The following GPC6 variants were observed in gnomAD, a reference collection of about 807,000 sequenced individuals.
GPC6 encodes the protein glypican 6, also known as glypican-6.
A neutral mutation model predicts 55.2 loss-of-function variants in GPC6; 14 were observed. The ratio of observed to expected loss-of-function variants is 0.25; its 90% confidence interval spans 0.17 to 0.40. The LOEUF (loss-of-function observed/expected upper bound fraction) is 0.40. GPC6 is among the 10% of genes least tolerant of loss of function. The probability of loss-of-function intolerance (pLI) is 1.00; values close to 1 mark genes in which losing one functional copy is unlikely to be tolerated. For synonymous variants in GPC6, 278 were observed against 259.6 expected, an observed-to-expected ratio of 1.07 and a Z score of -0.68; for missense variants, 641 against 708.5, an observed-to-expected ratio of 0.90 and a Z score of 1.08.
At chr13:93,512,886 T>C (rs1213919419) in intron 1 of GPC6, among the ~76,000 whole-genome samples, 1 of 152,102 alleles carries the variant, frequency 6.6e-6, no homozygotes, top group African/African-American at 2.4e-5. Flanking sequence ...ATCAGAGATA[T>C]TATAGAACTG....
intron 1 of GPC6, among the ~76,000 whole-genome samples, chr13:93,273,723 G>A (rs1451923004): frequency 2.0e-5 from 3 of 152,124 alleles, no homozygotes; most frequent in East Asian, 3.9e-4. Flanking sequence ...AGAAATTTTA[G>A]GTATTTTGAT....
intron 4 of GPC6, among the ~76,000 whole-genome samples, chr13:94,196,185 G>GTTT (rs34583361): frequency 2.1e-5 from 3 of 141,866 alleles, no homozygotes; most frequent in African/African-American, 5.1e-5. Context: ...AACCTTTTCA[G>GTTT]TTTTTTTTTT....
intron 1 of GPC6, among the ~76,000 whole-genome samples, chr13:93,486,742 C>T (rs1280231763): frequency 5.3e-5 from 8 of 151,992 alleles, no homozygotes; most frequent in Admixed American, 3.9e-4. Context: ...GTCAGGAGAT[C>T]GAGACCATCC....
intron 4 of GPC6, among the ~76,000 whole-genome samples, chr13:94,274,972 G>A (rs766036593): frequency 1.3e-5 from 2 of 152,180 alleles, no homozygotes; most frequent in African/African-American, 4.8e-5. Context: ...AGTTTTGTGG[G>A]CATTTGTGAT....
At position 93,776,191 on chromosome 13, in the gene GPC6, T is replaced by C. The variant is rs149072570; in HGVS notation, c.320-53963T>C. Among the ~76,000 whole-genome samples the C allele has an allele frequency of 2.6e-5, 4 of 152,266 alleles. No individual in the cohort carries two copies. The East Asian group carries it at 7.7e-4, about 29-fold the overall frequency. The stretch of plus-strand genomic sequence containing the variant: ...TCTAGGTAATCTCTCAATGTTGTAC[T>C]TTACAAATATAGGGAGTAGAATTTC... On this transcript the variant is annotated intron_variant, in intron 2 of 8. Transcript: ENST00000377047.
chr13:93,955,076 C>G (rs1486644046), intron 3 of GPC6, among the ~76,000 whole-genome samples: 1 of 152,130 alleles, frequency 6.6e-6, no homozygotes, highest in Non-Finnish European at 1.5e-5. Flanking sequence ...AAGGCCCCTT[C>G]TGTGCCATTG....
intron 1 of GPC6, among the ~76,000 whole-genome samples, chr13:93,519,663 G>T (rs1374248648): frequency 6.6e-6 from 1 of 151,980 alleles, no homozygotes; most frequent in Non-Finnish European, 1.5e-5. Context: ...ATTCCAGTCT[G>T]CTGGGTTCTG....
intron 1 of GPC6, among the ~76,000 whole-genome samples, chr13:93,394,383 G>C (rs1875765885): frequency 1.3e-5 from 2 of 152,160 alleles, no homozygotes; most frequent in African/African-American, 4.8e-5. Flanking sequence ...AATAAATGCT[G>C]ATTGAAGGAA....
intron 1 of GPC6, among the ~76,000 whole-genome samples, chr13:93,452,435 G>A (rs1028749066): frequency 6.6e-6 from 1 of 152,206 alleles, no homozygotes; most frequent in Non-Finnish European, 1.5e-5. Context: ...AAACACTTGA[G>A]TCAATTGTCA....
intron 1 of GPC6, among the ~76,000 whole-genome samples, chr13:93,511,199 A>G (rs993251555): frequency 1.3e-5 from 2 of 150,720 alleles, no homozygotes; most frequent in Admixed American, 6.6e-5. Flanking sequence ...TTAAAAATTA[A>G]GTCCCTTTTG....
intron 4 of GPC6, among the ~76,000 whole-genome samples, chr13:94,123,786 A>G (rs1303284772): frequency 6.6e-6 from 1 of 152,122 alleles, no homozygotes; most frequent in Non-Finnish European, 1.5e-5. Flanking sequence ...ACACAAGATT[A>G]CATTTCAAAG....
chr13:94,337,640 G>A (rs1207557627), intron 6 of GPC6, among the ~76,000 whole-genome samples: 1 of 151,966 alleles, frequency 6.6e-6, no homozygotes, highest in Non-Finnish European at 1.5e-5. Context: ...CAGAGACAGT[G>A]TTTCATCATG....
At chr13:93,975,630 T>C (rs529440089) in intron 3 of GPC6, among the ~76,000 whole-genome samples, 3 of 152,316 alleles carry the variant, frequency 2.0e-5, no homozygotes, top group East Asian at 1.9e-4. Flanking sequence ...ATCTTAGTTC[T>C]GTTGACCCAA....
At position 94,337,550 on chromosome 13, in the gene GPC6, C is replaced by T. The variant is rs561302139; in HGVS notation, c.1152+31427C>T. On this transcript the variant is annotated intron_variant, in intron 6 of 8. Coordinates refer to ENST00000377047, the MANE Select transcript of GPC6 (RefSeq NM_005708.5). ...ACAACCTCCACCTCCTGGGTTCAAG[C>T]GATTCTCCTGCCTCAGCCTCCCAAG... 2.6e-5 allele frequency among the ~76,000 whole-genome samples: 4 copies of T among 151,830 alleles called. No individual in the cohort carries two copies. The East Asian group carries it at 7.7e-4, about 29-fold the overall frequency.
chr13:93,286,126 T>C (rs1277841074), intron 1 of GPC6, among the ~76,000 whole-genome samples: 1 of 152,086 alleles, frequency 6.6e-6, no homozygotes, highest in Non-Finnish European at 1.5e-5. Flanking sequence ...TCCACATAGC[T>C]GGGGAGGCCT....
At chr13:93,697,528 G>A (rs999071377) in intron 2 of GPC6, among the ~76,000 whole-genome samples, 1 of 151,948 alleles carries the variant, frequency 6.6e-6, no homozygotes, top group Admixed American at 6.6e-5. Flanking sequence ...CCATTCTGTC[G>A]GTTTTTGCTG....
At chr13:93,606,987 A>G (rs1453873317) in intron 2 of GPC6, among the ~76,000 whole-genome samples, 1 of 152,170 alleles carries the variant, frequency 6.6e-6, no homozygotes, top group Non-Finnish European at 1.5e-5. Context: ...TTATTTTTTA[A>G]AACAGGCAAT....
intron 2 of GPC6, among the ~76,000 whole-genome samples, chr13:93,569,503 C>T (rs988366954): frequency 2.6e-5 from 4 of 151,808 alleles, no homozygotes; most frequent in Non-Finnish European, 5.9e-5. Flanking sequence ...CATAGAAATC[C>T]TCATTTTTAA....
chr13:94,207,705 T>A (rs1170350123), intron 4 of GPC6, among the ~76,000 whole-genome samples: 1 of 152,204 alleles, frequency 6.6e-6, no homozygotes, highest in African/African-American at 2.4e-5. Flanking sequence ...TGTGGGAATA[T>A]ACATGATTGT....
Sources: allele counts gnomAD v4.1 joint callset (sites outside exome capture counted in the v4.1 genomes callset), GRCh38; gene constraint gnomAD v4.1.1; transcripts MANE v1.5; gene names NCBI Gene and HGNC (gene_info 2026-07-23, HGNC 2026-07-21).